Variants in LAMA3 observed in about 807,000 individuals in gnomAD.
LAMA3 encodes the protein laminin subunit alpha-3.
In LAMA3, 281 loss-of-function variants were observed where a neutral mutation model predicts 402.0. The ratio of observed to expected loss-of-function variants is 0.70; its 90% confidence interval spans 0.63 to 0.77. LAMA3 has a LOEUF of 0.77. Ranked by LOEUF, LAMA3 falls within the 30% of genes least tolerant of loss-of-function variation. The pLI is 0.00. For synonymous variants in LAMA3, 1,431 were observed against 1,558.4 expected, an observed-to-expected ratio of 0.92 and a Z score of 1.93; for missense variants, 3,840 against 4,215.5, an observed-to-expected ratio of 0.91 and a Z score of 2.47.
intron 12 of LAMA3, among the ~76,000 whole-genome samples, chr18:23,787,643 A>G (rs900853649): frequency 6.6e-6 from 1 of 152,192 alleles, no homozygotes; most frequent in African/African-American, 2.4e-5. Context: ...ATTAGTAACA[A>G]TAGAGGCAAG....
intron 2 of LAMA3, among the ~76,000 whole-genome samples, chr18:23,742,357 G>T (rs114148114): frequency 6.6e-6 from 1 of 152,146 alleles, no homozygotes; most frequent in African/African-American, 2.4e-5. Context: ...ACTCACTGCC[G>T]TATGTAATCC....
intron 5 of LAMA3, 151 bp downstream of exon 5, chr18:23,751,239 G>A: frequency 4.0e-6 from 3 of 746,804 alleles, no homozygotes; most frequent in Non-Finnish European, 6.7e-6. Context: ...GATATAATTA[G>A]GAGTTTATAT....
chr18:23,858,977 G>A, intron 34 of LAMA3, 148 bp downstream of exon 34: 1 of 827,622 alleles, frequency 1.2e-6, no homozygotes, highest in Non-Finnish European at 2.1e-6. Context: ...CATGTGTTCA[G>A]AGGGGCTTTC....
intron 55 of LAMA3, 56 bp downstream of exon 55, chr18:23,909,351 C>T: frequency 2.6e-5 from 40 of 1,510,344 alleles, no homozygotes; most frequent in Non-Finnish European, 3.4e-5. Context: ...TGAGTTATCA[C>T]ATTTATCAAG....
At chr18:23,769,150 A>T (rs1234721856) in intron 8 of LAMA3, among the ~76,000 whole-genome samples, 2 of 152,122 alleles carry the variant, frequency 1.3e-5, no homozygotes, top group African/African-American at 2.4e-5. Flanking sequence ...ATTAGAGTTG[A>T]ATTTTTTTTT....
chr18:23,757,961 G>T (rs1388484672), intron 6 of LAMA3, among the ~76,000 whole-genome samples: 2 of 152,224 alleles, frequency 1.3e-5, no homozygotes, highest in African/African-American at 4.8e-5. Context: ...CAGGTTGAGA[G>T]TAAGAAACTT....
chr18:23,701,765 T>A (rs1241234881), intron 1 of LAMA3, among the ~76,000 whole-genome samples: 1 of 152,184 alleles, frequency 6.6e-6, no homozygotes, highest in Non-Finnish European at 1.5e-5. Flanking sequence ...AGGGCAGCAC[T>A]GCTTTAGATG....
In LAMA3 at chr18:23,918,324, G is replaced by A. The variant is rs2081709815; in HGVS notation, c.7923+1629G>A. 6.6e-6 allele frequency among the ~76,000 whole-genome samples: 1 copy of A among 152,184 alleles called. No individual in the cohort carries two copies. Reference sequence around the variant, plus strand: ...TGTGGGAGAAATCTCCCCTTTTCCTGTTCTATTCTCATTATCAGTTTTGTT... The same window carrying A: ...TGTGGGAGAAATCTCCCCTTTTCCTATTCTATTCTCATTATCAGTTTTGTT... On this transcript the variant is annotated intron_variant, in intron 60 of 74. Coordinates refer to ENST00000313654, the MANE Select transcript of LAMA3 (RefSeq NM_198129.4). The surrounding 1 kb of genome is among the most constrained non-coding windows in gnomAD (Gnocchi z 4.1).
chr18:23,911,997 T>G, intron 55 of LAMA3, among the ~76,000 whole-genome samples: 1 of 135,150 alleles, frequency 7.4e-6, no homozygotes, highest in East Asian at 2.0e-4. Flanking sequence ...AAAATGTATA[T>G]TTATATATAA....
At chr18:23,828,435 C>T (rs753739114) in intron 23 of LAMA3, among the ~76,000 whole-genome samples, 1 of 152,214 alleles carries the variant, frequency 6.6e-6, no homozygotes, top group Non-Finnish European at 1.5e-5. Flanking sequence ...GATCTTCCCT[C>T]TACTTCATTC....
chr18:23,705,755 C>G (rs932399828), intron 1 of LAMA3, among the ~76,000 whole-genome samples: 1 of 152,078 alleles, frequency 6.6e-6, no homozygotes, highest in Non-Finnish European at 1.5e-5. Flanking sequence ...TGAGCTCAAG[C>G]AATCCTCCCA....
chr18:23,749,560 G>A lies in LAMA3; in HGVS notation c.684+14G>A. 1 of 1,408,730 alleles carries A rather than the reference G, an allele frequency of 7.1e-7. No homozygotes were observed. 87.3% of individuals were successfully genotyped at this position (1,408,730 alleles called of 1,614,324 possible). ...GAAAATGGTGAGGTAAGTAGATTTG[G>A]AAGACTGGGAGAGATAAGACTCAGA... On this transcript the variant is annotated intron_variant, in intron 4 of 74. Transcript: ENST00000313654.
intron 68 of LAMA3, among the ~76,000 whole-genome samples, chr18:23,939,956 G>A (rs994062273): frequency 2.6e-5 from 4 of 152,182 alleles, no homozygotes; most frequent in Admixed American, 6.5e-5. Flanking sequence ...TTTTCTTCAC[G>A]GCTTTCCCAC....
intron 70 of LAMA3, among the ~76,000 whole-genome samples, chr18:23,948,408 T>G (rs1343256385): frequency 6.6e-6 from 1 of 152,162 alleles, no homozygotes; most frequent in African/African-American, 2.4e-5. Flanking sequence ...GGATCAATGC[T>G]GGGTTCTGGC....
chr18:23,778,096 G>C (rs1424881167), intron 11 of LAMA3, among the ~76,000 whole-genome samples: 3 of 152,186 alleles, frequency 2.0e-5, no homozygotes, highest in Non-Finnish European at 2.9e-5. Context: ...GGCACTTACA[G>C]CTTGGCCTTC....
chr18:23,864,741 C>T, intron 35 of LAMA3, 44 bp from the exon 36 acceptor site: 2 of 1,251,662 alleles, frequency 1.6e-6, no homozygotes, highest in Non-Finnish European at 1.2e-6. Flanking sequence ...TTGACATCAT[C>T]TCTTTTAATG....
In LAMA3 at chr18:23,891,830, C is replaced by G. The variant is rs192757165; in HGVS notation, c.5410+1713C>G. On this transcript the variant is annotated intron_variant, in intron 42 of 74. Transcript: ENST00000313654. The stretch of plus-strand genomic sequence containing the variant: ...TTCACTGAGTTCCATTGTCTAAAGC[C>G]GGGGTCCATGGCACACTGCTCATGT... Among the ~76,000 whole-genome samples, 658 of 152,228 alleles carry G rather than the reference C, an allele frequency of 4.3e-3. 2 individuals carry two copies. Among genetic ancestry groups the G allele is most frequent in the Non-Finnish European group, 7.1e-3 (482 of 68,016 alleles).
At chr18:23,799,370 A>G (rs981873566) in intron 12 of LAMA3, among the ~76,000 whole-genome samples, 4 of 152,224 alleles carry the variant, frequency 2.6e-5, no homozygotes, top group Non-Finnish European at 5.9e-5. Flanking sequence ...TGCCAATGCT[A>G]GAGTTGGTGT....
At chr18:23,922,051 A>G (rs1408344570) in intron 62 of LAMA3, among the ~76,000 whole-genome samples, 1 of 152,248 alleles carries the variant, frequency 6.6e-6, no homozygotes, top group Non-Finnish European at 1.5e-5. Flanking sequence ...CTTACATGCT[A>G]TCGAGCGTGG....
Sources: allele counts gnomAD v4.1 joint callset (sites outside exome capture counted in the v4.1 genomes callset), GRCh38; gene constraint gnomAD v4.1.1; non-coding constraint Gnocchi (gnomAD v3.1); transcripts MANE v1.5; gene names NCBI Gene and HGNC (gene_info 2026-07-23, HGNC 2026-07-21).